Variants in ARAF observed in about 807,000 individuals in gnomAD.
ARAF encodes the protein A-Raf proto-oncogene, serine/threonine kinase, also known as serine/threonine-protein kinase A-Raf.
ARAF carries 18 observed loss-of-function variants against 48.0 expected under a neutral mutation model. That is an observed-to-expected ratio of 0.37 (90% confidence interval 0.26 to 0.56). ARAF has a LOEUF of 0.56. ARAF is among the 20% of genes least tolerant of loss of function. The pLI, the probability that ARAF is intolerant of heterozygous loss-of-function variation, is 0.77. For synonymous variants in ARAF, 207 were observed against 220.1 expected (o/e 0.94, Z 0.53); for missense variants, 389 against 543.1 (o/e 0.72, Z 2.82).
chrX:47,564,257 C>T (rs935784733), intron 3 of ARAF, among the ~76,000 whole-genome samples: 4 of 111,696 alleles, frequency 3.6e-5, no homozygotes, highest in African/African-American at 6.5e-5. Flanking sequence ...AGTCCTCACC[C>T]TGGTCCATCA....
chrX:47,562,805 A>G, intron 1 of ARAF, 104 bp from the exon 2 acceptor site: 2 of 441,092 alleles, frequency 4.5e-6, no homozygotes, highest in Non-Finnish European at 7.9e-6. Context: ...ATTAGGCTGC[A>G]GGGGGCGACA....
chrX:47,562,668 G>A (rs1433809711), intron 1 of ARAF, among the ~76,000 whole-genome samples: 2 of 109,630 alleles, frequency 1.8e-5, no homozygotes, highest in African/African-American at 6.6e-5. Context: ...TCTCTCCCCC[G>A]CAACCCTGTG....
chrX:47,563,527 G>A (rs1381242132), intron 3 of ARAF, among the ~76,000 whole-genome samples, 198 bp downstream of exon 3: 1 of 112,010 alleles, frequency 8.9e-6, no homozygotes, highest in Non-Finnish European at 1.9e-5. Flanking sequence ...GAACCCAATT[G>A]CTATCAGTCG....
intron 10 of ARAF, among the ~76,000 whole-genome samples, chrX:47,568,336 G>A (rs147548336): frequency 0.011 from 1,166 of 110,882 alleles, 12 homozygotes; most frequent in African/African-American, 0.035. Context: ...ACATCAGTGA[G>A]GAAGGTTGGC....
rs1326469028 is a variant in ARAF at position 47,570,860 on chromosome X, GC to G, written c.1552-13del. The stretch of plus-strand genomic sequence containing the variant: ...CCTGACCCCAGATCACCCCTTTCCT[GC>G]CCCCGTCTGCCCCCAGATTATCTTT... On this transcript the variant is annotated splice_polypyrimidine_tract_variant and intron_variant, in intron 14 of 15. Coordinates refer to ENST00000377045, the MANE Select transcript of ARAF (RefSeq NM_001654.5). The G allele has an allele frequency of 5.0e-6, 6 of 1,194,235 alleles. No homozygotes were observed. Among genetic ancestry groups the G allele is most frequent in the Middle Eastern group, 4.7e-4 (2 of 4,274 alleles).
intron 13 of ARAF, 33 bp downstream of exon 13, chrX:47,569,690 G>A: frequency 1.7e-6 from 2 of 1,171,761 alleles, no homozygotes; most frequent in Non-Finnish European, 2.3e-6. Context: ...GGGGGCACAT[G>A]GGGACGTGGG....
chrX:47,565,483 A>C, intron 6 of ARAF, 133 bp downstream of exon 6: 1 of 1,023,856 alleles, frequency 9.8e-7, no homozygotes, highest in South Asian at 2.5e-5. Flanking sequence ...GAGTAAGGGC[A>C]TGAAACTGGG....
chrX:47,571,161 CTG>C, intron 15 of ARAF, 149 bp downstream of exon 15: 1 of 946,653 alleles, frequency 1.1e-6, no homozygotes, highest in Non-Finnish European at 1.4e-6. Context: ...GAGGCTGGGA[CTG>C]TTGGGGGTGT....
In ARAF at chrX:47,566,871, C is replaced by G; in HGVS notation, c.700-13C>G. 8.3e-7 allele frequency: 1 copy of G among 1,211,547 alleles called. No homozygotes were observed. ...CCATGCCCTCTTTTTGACTCCTGTCCCTCTTCTTCTAGCTCACTGGCCAGA... is the reference window on the plus strand; with the variant it reads ...CCATGCCCTCTTTTTGACTCCTGTCGCTCTTCTTCTAGCTCACTGGCCAGA... On this transcript the variant is annotated splice_polypyrimidine_tract_variant and intron_variant, in intron 7 of 15. Coordinates refer to ENST00000377045, the MANE Select transcript of ARAF (RefSeq NM_001654.5).
rs1440547299 is a variant in ARAF, at chrX:47,569,606, A to T, written c.1368A>T (p.Arg456=). 8.3e-7 allele frequency: 1 copy of T among 1,207,526 alleles called. No individual in the cohort carries two copies. The highest frequency in any genetic ancestry group is 1.8e-5 in the African/African-American group (1 of 56,918). Residue 456 remains arginine, a synonymous_variant, in exon 13 of 16, where the codon CGA becomes CGT. Coordinates refer to ENST00000377045, the MANE Select transcript of ARAF (RefSeq NM_001654.5). ...TTGGCTTGGCCACAGTGAAGACTCG[A>T]TGGAGCGGGGCCCAGCCCTTGGAGC... ...GDFGLATVKT[R]WSGAQPLEQP... is the part of the protein sequence containing the mutation.
chrX:47,571,610 G>A lies in ARAF; in HGVS notation c.*153G>A. The A allele has an allele frequency of 1.2e-6, 1 of 827,043 alleles. No homozygotes were observed. Among genetic ancestry groups the A allele is most frequent in the Non-Finnish European group, 1.6e-6 (1 of 614,091 alleles). The allele number at this position is 827,043 out of a possible 1,213,427, so 68.2% of individuals were successfully genotyped here. A position where few individuals can be genotyped will look rare whatever the true frequency, so the allele number is the denominator to read the frequency against. On this transcript the variant is annotated 3_prime_UTR_variant, in exon 16 of 16. Transcript: ENST00000377045. Reference sequence around the variant, plus strand: ...GAGGGGGTCCCCATGTGCTTTTCCAGTTCTTCTGGAATTGGGGGACCCCCG... The same window carrying A: ...GAGGGGGTCCCCATGTGCTTTTCCAATTCTTCTGGAATTGGGGGACCCCCG...
chrX:47,563,094 G>A (rs745536344), intron 2 of ARAF, 31 bp downstream of exon 2: 2 of 1,170,420 alleles, frequency 1.7e-6, no homozygotes, highest in East Asian at 3.1e-5. Context: ...GGCAGGGGCT[G>A]TGGATGGACC....
At position 47,571,381 on chromosome X, in the gene ARAF, C is replaced by T; in HGVS notation, c.1745C>T (p.Ser582Leu). ...CTCCCCAAGATTGAGCGGAGTGCCT[C>T]GGAACCCTCCTTGCACCGCACCCAG... ...RSLPKIERSA[S>L]EPSLHRTQAD... The change falls in exon 16 of 16, where the codon TCG becomes TTG. Residue 582 changes from serine (S) to leucine (L), a missense_variant. By Grantham distance (145) the Ser-to-Leu change is moderately radical. Coordinates refer to ENST00000377045, the MANE Select transcript of ARAF (RefSeq NM_001654.5). The T allele has an allele frequency of 8.3e-7, 1 of 1,210,461 alleles. No individual in the cohort carries two copies. Among genetic ancestry groups the T allele is most frequent in the Non-Finnish European group, 1.1e-6 (1 of 894,924 alleles).
At position 47,565,292 on chromosome X, in the gene ARAF, C is replaced by G; in HGVS notation, c.499C>G (p.Gln167Glu). 1 of 1,211,962 alleles carries G rather than the reference C, an allele frequency of 8.3e-7. No individual in the cohort carries two copies. The highest frequency in any genetic ancestry group is 1.7e-5 in the African/African-American group (1 of 57,870). ...CCAGGATTTGTCCGGAGGCTCCAGA[C>G]AGCATGAGGCTCCCTCGAACCGCCC... ...SVQDLSGGSR[Q>E]HEAPSNRPLN... Residue 167 changes from glutamine (Q) to glutamate (E), a missense_variant, in exon 6 of 16, where the codon CAG becomes GAG. Coordinates refer to ENST00000377045, the MANE Select transcript of ARAF (RefSeq NM_001654.5).
At chrX:47,565,459 G>A in intron 6 of ARAF, 109 bp downstream of exon 6, 1 of 1,092,759 alleles carries the variant, frequency 9.2e-7, no homozygotes, top group Non-Finnish European at 1.2e-6. Flanking sequence ...CATTTATTGA[G>A]CACCTACAAG....
chrX:47,571,245 GTGT>G, intron 15 of ARAF, 75 bp from the exon 16 acceptor site: 1 of 1,019,496 alleles, frequency 9.8e-7, no homozygotes, highest in African/African-American at 2.0e-5. Flanking sequence ...GTGTGTGTGT[GTGT>G]TTCGCCATGA....
At position 47,567,647 on chromosome X, in the gene ARAF, T is replaced by C. The variant is rs181459331; in HGVS notation, c.1076+215T>C. Among the ~76,000 whole-genome samples, 8 of 111,771 alleles carry C rather than the reference T, an allele frequency of 7.2e-5. No individual in the cohort carries two copies. In the East Asian group the frequency reaches 2.2e-3, roughly 31 times the overall value. ...ATCATGCAGTTGTTTGTGTTTGGGT[T>C]ATTAATGAATGGTTCTGCCTCCAAA... is the stretch of plus-strand genomic sequence containing the variant. On this transcript the variant is annotated intron_variant, in intron 10 of 15. Coordinates refer to ENST00000377045, the MANE Select transcript of ARAF (RefSeq NM_001654.5).
At chrX:47,562,729 C>T (rs956103051) in intron 1 of ARAF, among the ~76,000 whole-genome samples, 180 bp from the exon 2 acceptor site, 1 of 111,227 alleles carries the variant, frequency 9.0e-6, no homozygotes, top group Non-Finnish European at 1.9e-5. Context: ...AACAGGAGGG[C>T]CTGAGCAGAG....
intron 1 of ARAF, among the ~76,000 whole-genome samples, chrX:47,562,485 GAA>G (rs34574198): frequency 5.1e-5 from 3 of 59,061 alleles, no homozygotes; most frequent in African/African-American, 1.2e-4. Flanking sequence ...AACTCTGTCA[GAA>G]AAAAAAAAAA....
Sources: allele counts gnomAD v4.1 joint callset (sites outside exome capture counted in the v4.1 genomes callset), GRCh38; gene constraint gnomAD v4.1.1; transcripts MANE v1.5; gene names NCBI Gene and HGNC (gene_info 2026-07-23, HGNC 2026-07-21).